ZNF718: variants seen among roughly 807,000 people sequenced by gnomAD.
ZNF718 encodes zinc finger protein 718.
ZNF718 carries 3 observed loss-of-function variants against 2.6 expected under a neutral mutation model. The ratio of observed to expected loss-of-function variants is 1.16; its 90% confidence interval spans 0.53 to 3.01. The LOEUF (loss-of-function observed/expected upper bound fraction) is 3.01. ZNF718 is among the 30% of genes most tolerant of loss of function. ZNF718 has a pLI of 0.03. For missense variants in ZNF718, 468 were observed against 230.0 expected, an observed-to-expected ratio of 2.03 and a Z score of -6.69; for synonymous variants, 135 against 77.9, an observed-to-expected ratio of 1.73 and a Z score of -3.86.
intron 3 of ZNF718, among the ~76,000 whole-genome samples, chr4:140,408 A>G (rs116103787): frequency 0.017 from 2,577 of 152,212 alleles, 47 homozygotes; most frequent in African/African-American, 0.041. Flanking sequence ...TGGCCCCAAC[A>G]TTGTTTGGAA....
Position 163,775 on chromosome 4 carries a change from C to A in ZNF718, c.*1653C>A, listed in dbSNP as rs1411350097. On this transcript the variant is annotated 3_prime_UTR_variant, in exon 4 of 4. Transcript: ENST00000510175. The stretch of plus-strand genomic sequence containing the variant: ...TTAGTAACATAGTTTAATGACATTT[C>A]TAGTAATTTCTTTTTCCAGTGGCTT... The A allele has an allele frequency of 2.0e-5, 3 of 151,976 alleles. No homozygotes were observed. Among genetic ancestry groups the A allele is most frequent in the Non-Finnish European group, 2.9e-5 (2 of 67,980 alleles). The allele number at this position is 151,976 out of a possible 1,614,324, so 9.4% of individuals were successfully genotyped here.
intron 3 of ZNF718, among the ~76,000 whole-genome samples, chr4:181,052 G>C (rs1234487775): frequency 6.6e-6 from 1 of 151,216 alleles, no homozygotes; most frequent in East Asian, 1.9e-4. Flanking sequence ...TTGAGACAGG[G>C]TCTCTGTCAC....
chr4:180,915 C>A (rs150358308), intron 3 of ZNF718, among the ~76,000 whole-genome samples: 23 of 152,220 alleles, frequency 1.5e-4, no homozygotes, highest in African/African-American at 5.1e-4. Context: ...TTCCTAGACC[C>A]AAATCAGATT....
Position 162,158 on chromosome 4 carries a change from C to A in ZNF718, c.*36C>A. 2 of 663,174 alleles carry A rather than the reference C, an allele frequency of 3.0e-6. No individual in the cohort carries two copies. The highest frequency in any genetic ancestry group is 5.0e-5 in the East Asian group (2 of 39,876). The allele number at this position is 663,174 out of a possible 1,614,324, so 41.1% of individuals were successfully genotyped here. A position where few individuals can be genotyped will look rare whatever the true frequency, so the allele number is the denominator to read the frequency against. On this transcript the variant is annotated 3_prime_UTR_variant, in exon 4 of 4. Coordinates refer to ENST00000510175, the MANE Select transcript of ZNF718 (RefSeq NM_001039127.6). ...AATGTGGGAGCCTTTAAGTCTTCCT[C>A]AGTCTTTTCTAATCATAATTCATAC... is the stretch of plus-strand genomic sequence containing the variant.
intron 3 of ZNF718, among the ~76,000 whole-genome samples, chr4:184,349 G>A (rs1399615759): frequency 4.6e-5 from 7 of 152,202 alleles, no homozygotes; most frequent in African/African-American, 1.7e-4. Context: ...TGCATCCCAG[G>A]GATGAAACCT....
Position 130,594 on chromosome 4 carries a change from T to C in ZNF718, c.4-194T>C, listed in dbSNP as rs1313044422. ...AACCCTGTCTCTAATAAACAAAAATTAGCCAGGCATGGTGGCGGGTGCCTG... is the reference window on the plus strand; with the variant it reads ...AACCCTGTCTCTAATAAACAAAAATCAGCCAGGCATGGTGGCGGGTGCCTG... On this transcript the variant is annotated intron_variant, in intron 1 of 3. Coordinates refer to ENST00000510175, the MANE Select transcript of ZNF718 (RefSeq NM_001039127.6). 2.0e-5 allele frequency among the ~76,000 whole-genome samples: 2 copies of C among 102,270 alleles called. 1 individual carries two copies. The highest frequency in any genetic ancestry group is 2.1e-4 in the Admixed American group (2 of 9,444). 67.1% of individuals were successfully genotyped at this position (102,270 alleles called of 152,430 possible).
rs116924970 is a variant in ZNF718, at chr4:193,224, T to C, written c.227-7857T>C. 6.1e-4 allele frequency among the ~76,000 whole-genome samples: 93 copies of C among 152,240 alleles called. No individual in the cohort carries two copies. The East Asian group carries it at 0.015, about 25-fold the overall frequency. On this transcript the variant is annotated intron_variant and NMD_transcript_variant, in intron 3 of 4. Transcript: ENST00000642529. ...CGGCTCTTTTCGCTTCAATATCTGCTTGGCAATTCCCTTCTATTTCCCTTT... is the reference window on the plus strand; with the variant it reads ...CGGCTCTTTTCGCTTCAATATCTGCCTGGCAATTCCCTTCTATTTCCCTTT...
intron 3 of ZNF718, chr4:141,902 G>T (rs957567889): frequency 1.3e-5 from 5 of 382,602 alleles, no homozygotes; most frequent in Middle Eastern, 9.6e-4. Flanking sequence ...TCATTCAGTT[G>T]TTATTTTCAA....
downstream of ZNF718, among the ~76,000 whole-genome samples, chr4:168,109 A>G (rs150033822): frequency 0.22 from 34,139 of 152,060 alleles, 4,174 homozygotes; most frequent in Non-Finnish European, 0.28. Context: ...TGAGATAATC[A>G]TATGGTTTTT....
At chr4:139,050 G>A (rs1438095517) in intron 3 of ZNF718, among the ~76,000 whole-genome samples, 1 of 152,058 alleles carries the variant, frequency 6.6e-6, no homozygotes, top group African/African-American at 2.4e-5. Context: ...GCAGTTTCCA[G>A]ATATTTTCTC....
intron 3 of ZNF718, among the ~76,000 whole-genome samples, chr4:152,813 A>G (rs1164355915): frequency 6.6e-6 from 1 of 151,956 alleles, no homozygotes; most frequent in Admixed American, 6.6e-5. Flanking sequence ...TTTGTTATAT[A>G]TTCTGTAAGT....
At chr4:180,251 A>G (rs1717436904) in intron 3 of ZNF718, among the ~76,000 whole-genome samples, 1 of 152,204 alleles carries the variant, frequency 6.6e-6, no homozygotes, top group Non-Finnish European at 1.5e-5. Flanking sequence ...GCTGAAACTA[A>G]TTCCAGTTGT....
chr4:150,220 A>T (rs182375236), intron 3 of ZNF718: 18 of 152,286 alleles, frequency 1.2e-4, no homozygotes, highest in Admixed American at 3.9e-4. Flanking sequence ...TATATATGTC[A>T]CATTTTAAAA....
chr4:187,387 C>T (rs797026445), intron 3 of ZNF718, among the ~76,000 whole-genome samples: 58 of 152,080 alleles, frequency 3.8e-4, no homozygotes, highest in African/African-American at 1.4e-3. Flanking sequence ...CCACCACGCC[C>T]AGCTAATTTT....
At position 127,035 on chromosome 4, in the gene ZNF718, A is replaced by G. The variant is rs1373289577; in HGVS notation, c.3+2362A>G. ...GAGACGGGGTTTCGCCATGTTGGCC[A>G]GGATGGTCTCCATCTTCTGACCTCA... On this transcript the variant is annotated intron_variant, in intron 1 of 3. Coordinates refer to ENST00000510175, the MANE Select transcript of ZNF718 (RefSeq NM_001039127.6). Among the ~76,000 whole-genome samples the G allele has an allele frequency of 3.3e-5, 5 of 152,322 alleles. No homozygotes were observed. The East Asian group carries it at 7.7e-4, about 24-fold the overall frequency.
chr4:147,921 C>G (rs1716139494), intron 3 of ZNF718, among the ~76,000 whole-genome samples: 1 of 152,128 alleles, frequency 6.6e-6, no homozygotes, highest in African/African-American at 2.4e-5. Context: ...GTAATGTTAT[C>G]TGGTGTGACT....
intron 3 of ZNF718, among the ~76,000 whole-genome samples, chr4:173,585 C>G (rs1456243478): frequency 2.0e-5 from 3 of 152,136 alleles, no homozygotes; most frequent in African/African-American, 7.2e-5. Context: ...ACTTAACAGC[C>G]ATCTGAAAAG....
intron 3 of ZNF718, among the ~76,000 whole-genome samples, chr4:183,686 C>A (rs1241265238): frequency 6.6e-6 from 1 of 152,052 alleles, no homozygotes; most frequent in Non-Finnish European, 1.5e-5. Flanking sequence ...TTTATTTGAA[C>A]CATGGCCTTT....
chr4:144,986 C>T (rs782056097), intron 3 of ZNF718, among the ~76,000 whole-genome samples: 3 of 151,614 alleles, frequency 2.0e-5, no homozygotes, highest in South Asian at 2.1e-4. Context: ...TATAGCCACT[C>T]GTACACTTTT....
Sources: gnomAD v4.1 joint callset for allele counts (sites outside exome capture counted in the v4.1 genomes callset) on GRCh38, gnomAD v4.1.1 for gene constraint, MANE v1.5 for transcripts, NCBI Gene and HGNC (gene_info 2026-07-23, HGNC 2026-07-21) for gene names.